The following ABCG5 variants were observed in gnomAD, a reference collection of about 807,000 sequenced individuals.
ABCG5 encodes the protein ATP-binding cassette sub-family G member 5.
Under a neutral mutation model 64.5 loss-of-function variants are expected in ABCG5, and 64 were observed. That is an observed-to-expected ratio of 0.99 (90% CI 0.81 to 1.22). ABCG5 has a LOEUF of 1.22. Ranked by LOEUF, ABCG5 falls within the 50% of genes most tolerant of loss-of-function variation. The pLI, the probability that ABCG5 is intolerant of heterozygous loss-of-function variation, is 0.00. For synonymous variants in ABCG5, 385 were observed against 326.3 expected (o/e 1.18, Z -1.94); for missense variants, 908 against 829.5 (o/e 1.09, Z -1.16).
chr2:43,816,658 C>G (rs527710686), intron 11 of ABCG5, among the ~76,000 whole-genome samples: 6 of 152,278 alleles, frequency 3.9e-5, no homozygotes, highest in African/African-American at 1.4e-4. Flanking sequence ...ATTCTCCTGC[C>G]TCAGCCTCCT....
At chr2:43,833,930 CGCCTCG>C (rs1350235363) in intron 2 of ABCG5, among the ~76,000 whole-genome samples, 1 of 152,204 alleles carries the variant, frequency 6.6e-6, no homozygotes, top group African/African-American at 2.4e-5. Context: ...GTGATCCGCC[CGCCTCG>C]GCCTCCCAAG....
At chr2:43,836,923 C>T (rs34520479) in intron 2 of ABCG5, among the ~76,000 whole-genome samples, 65,979 of 151,482 alleles carry the variant, frequency 0.44, 15,299 homozygotes, top group East Asian at 0.84. Context: ...CACCTGTAGT[C>T]CCAGCTGAGG....
chr2:43,832,352 C>T (rs1320990961), intron 2 of ABCG5: 6 of 576,128 alleles, frequency 1.0e-5, no homozygotes, highest in Admixed American at 3.0e-5. Flanking sequence ...CAAGACCGAA[C>T]GTGCTTTCTC....
chr2:43,820,522 C>T (rs1667121775), intron 10 of ABCG5, among the ~76,000 whole-genome samples: 1 of 152,234 alleles, frequency 6.6e-6, no homozygotes, highest in South Asian at 2.1e-4. Flanking sequence ...CCCTGAACCT[C>T]ATCTCTGTTA....
chr2:43,835,789 C>A (rs1668224492), intron 2 of ABCG5, among the ~76,000 whole-genome samples: 1 of 152,134 alleles, frequency 6.6e-6, no homozygotes, highest in African/African-American at 2.4e-5. Context: ...AGGAAGTCTC[C>A]CTCACCAGAC....
chr2:43,831,685 G>C, intron 4 of ABCG5, 84 bp downstream of exon 4: 1 of 1,339,648 alleles, frequency 7.5e-7, no homozygotes. Context: ...GGGAAGGAAT[G>C]GGCAAGCGTA....
intron 2 of ABCG5, among the ~76,000 whole-genome samples, chr2:43,833,947 G>T (rs1668105650): frequency 6.6e-6 from 1 of 152,234 alleles, no homozygotes; most frequent in South Asian, 2.1e-4. Flanking sequence ...GCCTCCCAAG[G>T]TGCTGGGATT....
At chr2:43,825,463 A>C (rs1008108726) in intron 6 of ABCG5, among the ~76,000 whole-genome samples, 3 of 152,208 alleles carry the variant, frequency 2.0e-5, no homozygotes, top group African/African-American at 7.2e-5. Flanking sequence ...TGGGCGGAGA[A>C]AGTGAGTTTT....
intron 9 of ABCG5, among the ~76,000 whole-genome samples, chr2:43,823,325 G>C (rs1051641523): frequency 8.5e-6 from 1 of 117,846 alleles, no homozygotes; most frequent in African/African-American, 3.4e-5. Flanking sequence ...ACTTGCTCTC[G>C]GAAGGCCAGG....
intron 6 of ABCG5, 25 bp from the exon 7 acceptor site, chr2:43,825,043 G>C: frequency 1.2e-6 from 2 of 1,612,396 alleles, no homozygotes; most frequent in Admixed American, 3.3e-5. Context: ...GACGTAGTTA[G>C]TGTGTGATCA....
downstream of ABCG5, chr2:43,810,013 T>A (rs1042460670): frequency 1.8e-6 from 2 of 1,086,846 alleles, no homozygotes; most frequent in African/African-American, 3.3e-5. Context: ...ACCTCTAACA[T>A]GTTTAAGTGG....
intron 11 of ABCG5, among the ~76,000 whole-genome samples, chr2:43,817,573 C>T (rs914273107): frequency 6.6e-6 from 1 of 152,168 alleles, no homozygotes; most frequent in South Asian, 2.1e-4. Context: ...GATGGGGTTA[C>T]TTCCAGATAA....
chr2:43,832,094 A>T lies in ABCG5; in HGVS notation c.266-11T>A. On this transcript the variant is annotated splice_polypyrimidine_tract_variant and intron_variant, in intron 2 of 12. Coordinates refer to ENST00000405322, the MANE Select transcript of ABCG5 (RefSeq NM_022436.3). The stretch of plus-strand genomic sequence containing the variant: ...TGGTTTTCCCGGAGCCTGCGGGGCG[A>T]CAACAGAAGGCCCTAGAGGAACCAC... 1 of 1,573,688 alleles carries T rather than the reference A, an allele frequency of 6.4e-7. No homozygotes were observed. The highest frequency in any genetic ancestry group is 1.2e-5 in the South Asian group (1 of 85,486).
In ABCG5 at chr2:43,826,500, G is replaced by GGTCAT; in HGVS notation, c.655_656insATGAC (p.Pro219HisfsTer10). ...AGTCATGCAGTCCAGGCCTGTGGTT[G>GGTCAT]GCTCATCAAACAGCATGACCTCTGC... is the stretch of plus-strand genomic sequence containing the variant. On this transcript the variant is annotated frameshift_variant, in exon 6 of 13. Coordinates refer to ENST00000405322, the MANE Select transcript of ABCG5 (RefSeq NM_022436.3). LOFTEE classifies it high-confidence loss of function. 1 of 1,614,204 alleles carries GGTCAT rather than the reference G, an allele frequency of 6.2e-7. No individual in the cohort carries two copies. The highest frequency in any genetic ancestry group is 1.1e-5 in the South Asian group (1 of 91,090).
downstream of ABCG5, among the ~76,000 whole-genome samples, chr2:43,811,388 T>C (rs1666474712): frequency 6.6e-6 from 1 of 152,224 alleles, no homozygotes; most frequent in Non-Finnish European, 1.5e-5. Flanking sequence ...CTTAATGAAA[T>C]GATCTTTCCT....
At position 43,831,700 on chromosome 2, in the gene ABCG5, A is replaced by G. The variant is rs146789367; in HGVS notation, c.501+69T>C. The G allele has an allele frequency of 2.0e-5, 28 of 1,435,512 alleles. No homozygotes were observed. The East Asian group carries it at 6.6e-4, about 34-fold the overall frequency. The allele number at this position is 1,435,512 out of a possible 1,614,324, so 88.9% of individuals were successfully genotyped here. A position where few individuals can be genotyped will look rare whatever the true frequency, so the allele number is the denominator to read the frequency against. Reference sequence around the variant, plus strand: ...GGGAAGGAATGGGCAAGCGTAGGCGAAGAGAGGAGGGCAGCGGGGGGTGCA... The same window carrying G: ...GGGAAGGAATGGGCAAGCGTAGGCGGAGAGAGGAGGGCAGCGGGGGGTGCA... On this transcript the variant is annotated intron_variant, in intron 4 of 12. Transcript: ENST00000405322.
At chr2:43,827,758 C>T (rs1292174205) in intron 5 of ABCG5, among the ~76,000 whole-genome samples, 7 of 152,162 alleles carry the variant, frequency 4.6e-5, no homozygotes, top group African/African-American at 4.8e-5. Context: ...ACCAATGCAA[C>T]GCTTCCGGGT....
In ABCG5 at chr2:43,838,496, G is replaced by T. The variant is rs202069469; in HGVS notation, c.143+41C>A. ...AGCAGAGGGGTGAGCGCCGGGCCCC[G>T]CACTCCTGGGGGAGCAGCAGCAGCA... On this transcript the variant is annotated intron_variant, in intron 1 of 12. Coordinates refer to ENST00000405322, the MANE Select transcript of ABCG5 (RefSeq NM_022436.3). The surrounding 1 kb of genome is among the most constrained non-coding windows in gnomAD (Gnocchi z 4.2). The T allele has an allele frequency of 9.6e-6, 15 of 1,561,568 alleles. No homozygotes were observed. The highest frequency in any genetic ancestry group is 2.4e-5 in the East Asian group (1 of 42,446).
rs374919194 is a variant in ABCG5, at chr2:43,824,271, A to G, written c.1066T>C (p.Phe356Leu). The G allele has an allele frequency of 6.2e-7, 1 of 1,614,214 alleles. No individual in the cohort carries two copies. Among genetic ancestry groups the G allele is most frequent in the Non-Finnish European group, 8.5e-7 (1 of 1,180,046 alleles). Reference protein sequence around the residue: ...KHLKTLPMVPFKTKDSPGVFS... With the variant: ...KHLKTLPMVPLKTKDSPGVFS... ...ACTCCAGGAGAATCTTTGGTTTTGAAAGGAACCATTGGTAACGTTTTCAGG... is the reference window on the plus strand; with the variant it reads ...ACTCCAGGAGAATCTTTGGTTTTGAGAGGAACCATTGGTAACGTTTTCAGG... The change falls in exon 8 of 13, where the codon TTC becomes CTC. Residue 356 changes from phenylalanine (F) to leucine (L), a missense_variant. Transcript: ENST00000405322.
Sources: allele counts gnomAD v4.1 joint callset (sites outside exome capture counted in the v4.1 genomes callset), GRCh38; gene constraint gnomAD v4.1.1; non-coding constraint Gnocchi (gnomAD v3.1); transcripts MANE v1.5; gene names NCBI Gene and HGNC (gene_info 2026-07-23, HGNC 2026-07-21).